Variants in SPTBN1 observed in about 807,000 individuals in gnomAD.
The protein encoded by SPTBN1 is spectrin beta chain, non-erythrocytic 1.
A neutral mutation model predicts 266.4 loss-of-function variants in SPTBN1; 32 were observed. That is an observed-to-expected ratio of 0.12 (90% CI 0.09 to 0.16). The LOEUF is 0.16. Ranked by LOEUF, SPTBN1 falls within the 10% of genes least tolerant of loss-of-function variation. The pLI is 1.00. For synonymous variants in SPTBN1, 1,336 were observed against 1,162.2 expected (o/e 1.15, Z -3.04); for missense variants, 2,296 against 3,067.1 (o/e 0.75, Z 5.94).
chr2:54,588,149 G>T (rs962008954), intron 2 of SPTBN1, among the ~76,000 whole-genome samples: 2 of 152,024 alleles, frequency 1.3e-5, no homozygotes, highest in Non-Finnish European at 2.9e-5. Context: ...TAGGCTTTGT[G>T]GGCCACATGG....
At chr2:54,643,671 T>C (rs893330867) in intron 19 of SPTBN1, among the ~76,000 whole-genome samples, 1 of 152,110 alleles carries the variant, frequency 6.6e-6, no homozygotes, top group Admixed American at 6.5e-5. Flanking sequence ...TTTATAGTGT[T>C]TCAGATTCTT....
rs2103873634 is a variant in SPTBN1 at position 54,622,470 on chromosome 2, T to C, written c.1047T>C (p.Thr349=). The stretch of plus-strand genomic sequence containing the variant: ...TTCAGGCATTCAACACTTACCGCAC[T>C]GTGGAGAAACCACCCAAGTAAGATG... ...QQLQAFNTYR[T]VEKPPKFTEK... Residue 349 remains threonine (T), a synonymous_variant, in exon 9 of 36, where the codon ACT becomes ACC. Transcript: ENST00000356805. 1 of 1,614,050 alleles carries C rather than the reference T, an allele frequency of 6.2e-7. No individual in the cohort carries two copies. Among genetic ancestry groups the C allele is most frequent in the South Asian group, 1.1e-5 (1 of 91,054 alleles).
At chr2:54,636,052 A>G (rs1345723187) in intron 17 of SPTBN1, among the ~76,000 whole-genome samples, 1 of 152,226 alleles carries the variant, frequency 6.6e-6, no homozygotes, top group African/African-American at 2.4e-5. Flanking sequence ...TGACATTTTC[A>G]AGGGGAAAAC....
At chr2:54,521,591 G>C (rs973025230) in intron 1 of SPTBN1, among the ~76,000 whole-genome samples, 4 of 152,086 alleles carry the variant, frequency 2.6e-5, no homozygotes, top group African/African-American at 2.4e-5. Flanking sequence ...ATGGCTCACT[G>C]CGGCCTTGAC....
chr2:54,573,465 C>T (rs989751683), intron 2 of SPTBN1, among the ~76,000 whole-genome samples: 3 of 152,198 alleles, frequency 2.0e-5, no homozygotes, highest in African/African-American at 7.2e-5. Context: ...TGCTTCCCAT[C>T]CACCACTCAC....
intron 2 of SPTBN1, among the ~76,000 whole-genome samples, chr2:54,563,593 C>CCTT: frequency 3.1e-5 from 2 of 64,454 alleles, no homozygotes; most frequent in African/African-American, 1.3e-4. Context: ...AAAATTTATT[C>CCTT]TTTTTTTTTT....
chr2:54,575,167 T>C (rs1456702498), intron 2 of SPTBN1, among the ~76,000 whole-genome samples: 3 of 152,226 alleles, frequency 2.0e-5, no homozygotes, highest in South Asian at 2.1e-4. Context: ...TTTTTTTGTT[T>C]TGTTTTAAAT....
chr2:54,511,150 G>T (rs1482289047), intron 1 of SPTBN1, among the ~76,000 whole-genome samples: 2 of 152,248 alleles, frequency 1.3e-5, no homozygotes, highest in East Asian at 1.9e-4. Context: ...CTCCTTTGTG[G>T]TTCTAAACTT....
At chr2:54,635,537 T>C (rs2103972829) in intron 17 of SPTBN1, among the ~76,000 whole-genome samples, 1 of 152,368 alleles carries the variant, frequency 6.6e-6, no homozygotes, top group East Asian at 1.9e-4. Context: ...TGAGAGTTGA[T>C]TATATAAGAA....
chr2:54,631,167 C>G lies in SPTBN1; in HGVS notation c.3120C>G (p.Ile1040Met). ...CCATCCTGTCTCGGCTGGCCGAGATCAGCGACGTGTGGGAGGAGATGAAGA... is the reference window on the plus strand; with the variant it reads ...CCATCCTGTCTCGGCTGGCCGAGATGAGCGACGTGTGGGAGGAGATGAAGA... ...AQAILSRLAE[I>M]SDVWEEMKTT... The change falls in exon 16 of 36, where the codon ATC becomes ATG. Residue 1040 changes from isoleucine (I) to methionine (M), a missense_variant. Physicochemically the swap from Ile to Met is conservative, Grantham distance 10 (BLOSUM62 1). Around this residue, in one of 12 missense-constraint regions of SPTBN1, gnomAD observed 128 missense variants for 176.5 expected, o/e 0.73. Coordinates refer to ENST00000356805, the MANE Select transcript of SPTBN1 (RefSeq NM_003128.3). 6.2e-7 allele frequency: 1 copy of G among 1,614,202 alleles called. No individual in the cohort carries two copies. The highest frequency in any genetic ancestry group is 8.5e-7 in the Non-Finnish European group (1 of 1,180,038).
chr2:54,631,589 C>A lies in SPTBN1; in HGVS notation c.3542C>A (p.Ala1181Asp). The change falls in exon 16 of 36, where the codon GCC (alanine) becomes GAC (aspartate). Residue 1181 changes from alanine (A) to aspartate (D), a missense_variant. Transcript: ENST00000356805. ...CAGTTCCTCAGAGACACGAAGCAAG[C>A]CGAAGCCTTTCTTAACAACCAGGTA... ...YQQFLRDTKQ[A>D]EAFLNNQEYV... 6.2e-7 allele frequency: 1 copy of A among 1,611,778 alleles called. No homozygotes were observed. The highest frequency in any genetic ancestry group is 8.5e-7 in the Non-Finnish European group (1 of 1,178,636).
Position 54,668,642 on chromosome 2 carries a change from A to C in SPTBN1, c.*73A>C. ...TCCAGCATGCAAGCTCAGAACCAAC[A>C]CATTACTCTCTGTGCCTAATGTTCC... On this transcript the variant is annotated 3_prime_UTR_variant, in exon 36 of 36. Coordinates refer to ENST00000356805, the MANE Select transcript of SPTBN1 (RefSeq NM_003128.3). 6 of 1,252,708 alleles carry C rather than the reference A, an allele frequency of 4.8e-6. No homozygotes were observed. The highest frequency in any genetic ancestry group is 6.5e-6 in the Non-Finnish European group (6 of 921,690). 77.6% of individuals were successfully genotyped at this position (1,252,708 alleles called of 1,614,324 possible).
intron 20 of SPTBN1, 61 bp downstream of exon 20, chr2:54,644,647 A>C (rs919567722): frequency 6.5e-7 from 1 of 1,532,178 alleles, no homozygotes; most frequent in African/African-American, 1.4e-5. Flanking sequence ...TAGTCCTTAG[A>C]GTCTTTTCTC....
At chr2:54,659,422 A>G (rs1680889742) in intron 31 of SPTBN1, among the ~76,000 whole-genome samples, 156 bp downstream of exon 31, 1 of 152,118 alleles carries the variant, frequency 6.6e-6, no homozygotes, top group African/African-American at 2.4e-5. Flanking sequence ...AGTTATCCCT[A>G]AATAACCTTG....
intron 32 of SPTBN1, 83 bp downstream of exon 32, chr2:54,660,082 T>C (rs953387381): frequency 1.2e-6 from 2 of 1,613,548 alleles, no homozygotes. Context: ...TGGTCTGGAC[T>C]GTGAAGTTCA....
chr2:54,561,228 C>G (rs1015719087), intron 2 of SPTBN1, among the ~76,000 whole-genome samples: 1 of 152,320 alleles, frequency 6.6e-6, no homozygotes, highest in Middle Eastern at 3.4e-3. Context: ...CAACAGCAGC[C>G]TTGAAGTCCT....
At chr2:54,477,910 C>CA (rs113228950) in intron 1 of SPTBN1, among the ~76,000 whole-genome samples, 13,894 of 139,702 alleles carry the variant, frequency 0.099, 1,355 homozygotes, top group African/African-American at 0.26. Flanking sequence ...GAGTCCATCT[C>CA]AAAAAAAAAA....
Position 54,500,830 on chromosome 2 carries a change from G to A in SPTBN1, c.-47-25542G>A, listed in dbSNP as rs553884507. 2.0e-5 allele frequency among the ~76,000 whole-genome samples: 3 copies of A among 152,256 alleles called. No individual in the cohort carries two copies. In the South Asian group the frequency reaches 6.2e-4, roughly 32 times the overall value. On this transcript the variant is annotated intron_variant, in intron 1 of 35. Transcript: ENST00000356805. Reference sequence around the variant, plus strand: ...TGGGATTATAGGTGTGAGTCACTGTGCCTGGCTGGCTGCGCATTTTAAAGA... The same window carrying A: ...TGGGATTATAGGTGTGAGTCACTGTACCTGGCTGGCTGCGCATTTTAAAGA...
chr2:54,565,763 T>C (rs938238496), intron 2 of SPTBN1, among the ~76,000 whole-genome samples: 20 of 152,214 alleles, frequency 1.3e-4, no homozygotes, highest in Admixed American at 3.9e-4. Context: ...GCAAATGATA[T>C]GATCTATATG....
Sources: gnomAD v4.1 joint callset for allele counts (sites outside exome capture counted in the v4.1 genomes callset) on GRCh38, gnomAD v4.1.1 for gene constraint, gnomAD v4.1.1 regional missense constraint, MANE v1.5 for transcripts, NCBI Gene and HGNC (gene_info 2026-07-23, HGNC 2026-07-21) for gene names.